Variants in MGAM2 observed in about 807,000 individuals in gnomAD.
The protein encoded by MGAM2 is maltase-glucoamylase 2 (putative).
MGAM2 carries 98 observed loss-of-function variants against 96.1 expected under a neutral mutation model. That is an observed-to-expected ratio of 1.02 (90% CI 0.87 to 1.21). MGAM2 has a LOEUF of 1.21. Among genes scored for constraint, MGAM2 ranks in the 50% most tolerant of loss-of-function variants. MGAM2 has a pLI of 0.00. For missense variants in MGAM2, 2,055 were observed against 1,182.4 expected (o/e 1.74, Z -10.82); for synonymous variants, 749 against 414.8 (o/e 1.81, Z -9.79).
rs753681610 is a variant in MGAM2, at chr7:142,198,185, A to G, written c.4913A>G (p.Asp1638Gly). 12 of 702,884 alleles carry G rather than the reference A, an allele frequency of 1.7e-5. No homozygotes were observed. The South Asian group carries it at 1.8e-4, about 10-fold the overall frequency. The allele number at this position is 702,884 out of a possible 1,614,324, so 43.5% of individuals were successfully genotyped here. A position where few individuals can be genotyped will look rare whatever the true frequency, so the allele number is the denominator to read the frequency against. Residue 1638 changes from aspartate (D) to glycine (G), a missense_variant, in exon 43 of 48, where the codon GAC becomes GGC. By Grantham distance (94) the Asp-to-Gly change is moderately conservative. Transcript: ENST00000477922. ...TATTTTCCGAGAGCCCGTTGGTATG[A>G]CTATAGCACGGTAAGAACTAATATA... ...SAYFPRARWY[D>G]YSTGTSSTST...
chr7:142,117,876 C>A (rs183907836), intron 2 of MGAM2, among the ~76,000 whole-genome samples: 130 of 151,810 alleles, frequency 8.6e-4, no homozygotes, highest in Middle Eastern at 3.4e-3. Flanking sequence ...ATCTTCACAC[C>A]TGCATTCACC....
intron 45 of MGAM2, among the ~76,000 whole-genome samples, chr7:142,201,723 C>T (rs1464916915): frequency 6.6e-6 from 1 of 152,130 alleles, no homozygotes; most frequent in Non-Finnish European, 1.5e-5. Flanking sequence ...GTAAACAATA[C>T]AGGATACCAA....
chr7:142,176,393 T>G (rs1189379950), intron 32 of MGAM2, among the ~76,000 whole-genome samples: 2 of 152,222 alleles, frequency 1.3e-5, no homozygotes, highest in Non-Finnish European at 2.9e-5. Context: ...TTGGTGACTT[T>G]TGCTCACTTA....
chr7:142,220,878 ACTT>A lies in MGAM2; in HGVS notation c.6373_6375del (p.Ser2125del), dbSNP rs961055605. 4.3e-6 allele frequency: 3 copies of A among 701,912 alleles called. No homozygotes were observed. Among genetic ancestry groups the A allele is most frequent in the African/African-American group, 1.8e-5 (1 of 57,062 alleles). 43.5% of individuals were successfully genotyped at this position (701,912 alleles called of 1,614,324 possible). On this transcript the variant is annotated inframe_deletion, in exon 48 of 48. Transcript: ENST00000477922. ...TAGTACTACTGTACTTATTGCCACT[ACTT>A]CTTCTCTAACAGGTACTACTGATGT...
At chr7:142,212,279 G>C (rs1240845558) in intron 46 of MGAM2, among the ~76,000 whole-genome samples, 1 of 152,198 alleles carries the variant, frequency 6.6e-6, no homozygotes, top group Non-Finnish European at 1.5e-5. Flanking sequence ...TTGACACTAT[G>C]AAGAAACTGC....
At chr7:142,114,690 A>G (rs4632974) in intron 1 of MGAM2, among the ~76,000 whole-genome samples, 59,501 of 151,992 alleles carry the variant, frequency 0.39, 11,932 homozygotes, top group South Asian at 0.47. Context: ...GATAACAGAT[A>G]CAAGGATTAT....
intron 45 of MGAM2, 93 bp downstream of exon 45, chr7:142,200,061 C>T: frequency 9.6e-6 from 5 of 520,568 alleles, no homozygotes; most frequent in Middle Eastern, 2.7e-4. Context: ...GAAAACCTCT[C>T]TCTGCCTATT....
At chr7:142,130,571 C>G (rs770709314) in intron 3 of MGAM2, among the ~76,000 whole-genome samples, 2 of 152,172 alleles carry the variant, frequency 1.3e-5, no homozygotes, top group Non-Finnish European at 2.9e-5. Flanking sequence ...CTCTCCCTAC[C>G]CCACTCCACG....
intron 46 of MGAM2, among the ~76,000 whole-genome samples, chr7:142,209,151 G>T (rs897248661): frequency 9.9e-5 from 15 of 152,272 alleles, no homozygotes; most frequent in African/African-American, 2.4e-5. Context: ...TATCTGGGGG[G>T]TCAGCTGACT....
At chr7:142,200,824 T>C (rs1277519213) in intron 45 of MGAM2, among the ~76,000 whole-genome samples, 1 of 152,118 alleles carries the variant, frequency 6.6e-6, no homozygotes, top group Admixed American at 6.6e-5. Flanking sequence ...ACAAGCACTT[T>C]TAATATTTTT....
chr7:142,122,904 A>G (rs1447185775), intron 3 of MGAM2, among the ~76,000 whole-genome samples: 3 of 152,094 alleles, frequency 2.0e-5, no homozygotes, highest in African/African-American at 7.2e-5. Context: ...ATCTCGGCTC[A>G]CTGCAACCTC....
intron 37 of MGAM2, among the ~76,000 whole-genome samples, chr7:142,190,267 C>CTTTTTT (rs58228482): frequency 7.6e-4 from 79 of 104,200 alleles, no homozygotes; most frequent in African/African-American, 1.1e-3. Context: ...TACCATTTTA[C>CTTTTTT]TTTTTTTTTT....
At chr7:142,193,365 C>T (rs1284909359) in intron 37 of MGAM2, among the ~76,000 whole-genome samples, 3 of 152,182 alleles carry the variant, frequency 2.0e-5, no homozygotes, top group Non-Finnish European at 4.4e-5. Context: ...ATTTCCTCTA[C>T]ACACCTGGGG....
At chr7:142,125,942 C>A (rs1794724126) in intron 3 of MGAM2, among the ~76,000 whole-genome samples, 1 of 152,158 alleles carries the variant, frequency 6.6e-6, no homozygotes, top group African/African-American at 2.4e-5. Context: ...CCCCCAGAAT[C>A]ACCCAGAATC....
At chr7:142,172,902 A>G (rs1325770100) in intron 30 of MGAM2, 138 bp downstream of exon 30, 5 of 562,472 alleles carry the variant, frequency 8.9e-6, no homozygotes, top group Non-Finnish European at 1.6e-5. Context: ...TGCTGAAATC[A>G]TATTTTAGTA....
intron 10 of MGAM2, 51 bp downstream of exon 10, chr7:142,138,718 T>C (rs1563254885): frequency 1.5e-6 from 1 of 666,292 alleles, no homozygotes; most frequent in Non-Finnish European, 2.7e-6. Context: ...CCCATTTTTA[T>C]TTTTTGCATT....
intron 45 of MGAM2, chr7:142,208,145 T>C (rs973428879): frequency 2.4e-5 from 11 of 458,772 alleles, no homozygotes; most frequent in African/African-American, 1.6e-4. Context: ...AGTACAAGAG[T>C]TGGGATTTCA....
intron 25 of MGAM2, 26 bp downstream of exon 25, chr7:142,166,279 C>T (rs760293314): frequency 1.5e-6 from 1 of 680,022 alleles, no homozygotes; most frequent in African/African-American, 1.8e-5. Context: ...CAGATTACCT[C>T]ATTGATTAGG....
intron 46 of MGAM2, among the ~76,000 whole-genome samples, 154 bp from the exon 47 acceptor site, chr7:142,218,207 A>G (rs530348939): frequency 2.0e-5 from 3 of 152,374 alleles, no homozygotes; most frequent in African/African-American, 4.8e-5. Context: ...ATAAATATGT[A>G]TAATTATTAT....
Sources: gnomAD v4.1 joint callset for allele counts (sites outside exome capture counted in the v4.1 genomes callset) on GRCh38, gnomAD v4.1.1 for gene constraint, MANE v1.5 for transcripts, NCBI Gene and HGNC (gene_info 2026-07-23, HGNC 2026-07-21) for gene names.